Variants in MYO1C observed in about 807,000 individuals in gnomAD.
The protein encoded by MYO1C is unconventional myosin-Ic.
Under a neutral mutation model 150.8 loss-of-function variants are expected in MYO1C, and 104 were observed. The observed-to-expected ratio is 0.69, with a 90% CI of 0.59 to 0.81. The LOEUF is 0.81. MYO1C is among the 30% of genes least tolerant of loss of function. MYO1C has a pLI of 0.00. For synonymous variants in MYO1C, 663 were observed against 579.9 expected, an observed-to-expected ratio of 1.14 and a Z score of -2.06; for missense variants, 1,504 against 1,435.0, an observed-to-expected ratio of 1.05 and a Z score of -0.78.
At position 1,468,843 on chromosome 17, in the gene MYO1C, G is replaced by A. The variant is rs372529081; in HGVS notation, c.2611-347C>T. On this transcript the variant is annotated intron_variant, in intron 25 of 31. Transcript: ENST00000648651. ...CACTAATACTCAAGGTTACTGGGTG[G>A]GCCCTTTAGCATCATCCAATACTGA... The A allele has an allele frequency of 7.1e-4, 298 of 418,926 alleles. 1 individual carries two copies. The highest frequency in any genetic ancestry group is 5.4e-3 in the African/African-American group (267 of 49,558). 26.0% of individuals were successfully genotyped at this position (418,926 alleles called of 1,614,324 possible).
At position 1,480,639 on chromosome 17, in the gene MYO1C, A is replaced by C; in HGVS notation, c.808-14T>G. On this transcript the variant is annotated splice_polypyrimidine_tract_variant and intron_variant, in intron 6 of 31. Coordinates refer to ENST00000648651, the MANE Select transcript of MYO1C (RefSeq NM_001080779.2). ...GGCACACTGGCCCTGGAGGAAGGGCACAGCTGGGTTGCCAGCCCTGGCACC... is the reference window on the plus strand; with the variant it reads ...GGCACACTGGCCCTGGAGGAAGGGCCCAGCTGGGTTGCCAGCCCTGGCACC... 6.2e-7 allele frequency: 1 copy of C among 1,613,960 alleles called. No homozygotes were observed. The highest frequency in any genetic ancestry group is 8.5e-7 in the Non-Finnish European group (1 of 1,179,886).
At chr17:1,467,765 T>A in intron 29 of MYO1C, 75 bp downstream of exon 29, 1 of 318,156 alleles carries the variant, frequency 3.1e-6, no homozygotes, top group South Asian at 2.2e-5. Context: ...CCACACCCCC[T>A]ATTCCCCCAT....
At position 1,477,605 on chromosome 17, in the gene MYO1C, T is replaced by C. The variant is rs771077577; in HGVS notation, c.1483-9A>G. On this transcript the variant is annotated splice_polypyrimidine_tract_variant and intron_variant, in intron 13 of 31. Coordinates refer to ENST00000648651, the MANE Select transcript of MYO1C (RefSeq NM_001080779.2). ...CGCAGACACTCCTCATCCTGGGGGG[T>C]GTGGCACAGGGGGAAGGACGTATGG... The C allele has an allele frequency of 1.9e-6, 3 of 1,609,686 alleles. No individual in the cohort carries two copies. The South Asian group carries it at 3.3e-5, about 18-fold the overall frequency.
rs765878622 is a variant in MYO1C, at chr17:1,480,876, C to T, written c.637G>A (p.Val213Met). ...AGGTAACTGAGGATGTGGCCACCCACGGGGGCACCCTGTGGGCAGGGCAGG... is the reference window on the plus strand; with the variant it reads ...AGGTAACTGAGGATGTGGCCACCCATGGGGGCACCCTGTGGGCAGGGCAGG... The part of the protein sequence containing the change: ...DVQFDFKGAP[V>M]GGHILSYLLE... The change falls in exon 6 of 32, where the codon GTG becomes ATG. Residue 213 changes from valine (V) to methionine (M), a missense_variant. By Grantham distance (21) the Val-to-Met change is conservative. Transcript: ENST00000648651. 17 of 1,613,968 alleles carry T rather than the reference C, an allele frequency of 1.1e-5. No homozygotes were observed. The highest frequency in any genetic ancestry group is 1.6e-4 in the Middle Eastern group (1 of 6,062).
At chr17:1,477,181 T>C (rs1247788321) in intron 14 of MYO1C, 22 of 145,046 alleles carry the variant, frequency 1.5e-4, no homozygotes, top group Admixed American at 4.9e-4. Context: ...TTTTTTTCCC[T>C]TTTTTTTTTT....
At chr17:1,481,642 A>C (rs1270049391) in intron 5 of MYO1C, among the ~76,000 whole-genome samples, 2 of 151,866 alleles carry the variant, frequency 1.3e-5, no homozygotes, top group African/African-American at 2.4e-5. Context: ...CTGGGACAAC[A>C]GGCACACACC....
Position 1,479,411 on chromosome 17 carries a change from G to C in MYO1C, c.1092+20C>G, listed in dbSNP as rs2074466543. 1 of 1,195,460 alleles carries C rather than the reference G, an allele frequency of 8.4e-7. No homozygotes were observed. Among genetic ancestry groups the C allele is most frequent in the Non-Finnish European group, 1.2e-6 (1 of 829,900 alleles). 74.1% of individuals were successfully genotyped at this position (1,195,460 alleles called of 1,614,324 possible). On this transcript the variant is annotated intron_variant, in intron 9 of 31. Coordinates refer to ENST00000648651, the MANE Select transcript of MYO1C (RefSeq NM_001080779.2). This position sits in a 1 kb window ranked among gnomAD's most constrained non-coding sequence, Gnocchi z 4.2. Reference sequence around the variant, plus strand: ...GGAACAGCTGCCCCTCCACACCCGAGGGCAAGGGCCCGGCCTCACCTCCTC... The same window carrying C: ...GGAACAGCTGCCCCTCCACACCCGACGGCAAGGGCCCGGCCTCACCTCCTC...
At chr17:1,468,538 G>A in intron 25 of MYO1C, 42 bp from the exon 26 acceptor site, 1 of 1,508,246 alleles carries the variant, frequency 6.6e-7, no homozygotes, top group Non-Finnish European at 9.2e-7. Context: ...ATGGTGGGGA[G>A]CACCATCTTG....
In MYO1C at chr17:1,469,515, GC is replaced by G. The variant is rs2074254818; in HGVS notation, c.2610+15del. 8.8e-6 allele frequency: 14 copies of G among 1,597,050 alleles called. No homozygotes were observed. The South Asian group carries it at 1.6e-4, about 18-fold the overall frequency. ...GACTCCACTTCCTCATCCTCACCCA[GC>G]CCCGCTCTCCGTACCTGCTGCTTCC... On this transcript the variant is annotated intron_variant, in intron 25 of 31. Transcript: ENST00000648651.
chr17:1,471,842 A>C, intron 19 of MYO1C, 65 bp downstream of exon 19: 2 of 1,531,606 alleles, frequency 1.3e-6, no homozygotes, highest in Non-Finnish European at 1.8e-6. Context: ...GTCTGCCCTC[A>C]TGGGACCTAG....
chr17:1,471,005 A>G (rs2074291316), intron 21 of MYO1C, 66 bp downstream of exon 21: 2 of 1,540,460 alleles, frequency 1.3e-6, no homozygotes, highest in South Asian at 2.2e-5. Context: ...AAGGAGCCCA[A>G]GGGAGTGACT....
intron 1 of MYO1C, chr17:1,484,577 T>C: frequency 3.5e-6 from 2 of 573,700 alleles, no homozygotes; most frequent in Non-Finnish European, 3.1e-6. Flanking sequence ...CATGAACCAC[T>C]TGGGACTCGG....
chr17:1,480,636 G>A lies in MYO1C; in HGVS notation c.808-11C>T. The A allele has an allele frequency of 6.2e-7, 1 of 1,614,024 alleles. No homozygotes were observed. The highest frequency in any genetic ancestry group is 8.5e-7 in the Non-Finnish European group (1 of 1,179,956). On this transcript the variant is annotated splice_polypyrimidine_tract_variant and intron_variant, in intron 6 of 31. Transcript: ENST00000648651. ...TTTGGCACACTGGCCCTGGAGGAAGGGCACAGCTGGGTTGCCAGCCCTGGC... is the reference window on the plus strand; with the variant it reads ...TTTGGCACACTGGCCCTGGAGGAAGAGCACAGCTGGGTTGCCAGCCCTGGC...
chr17:1,492,333 C>A, intron 1 of MYO1C, 80 bp downstream of exon 1: 1 of 1,431,618 alleles, frequency 7.0e-7, no homozygotes, highest in East Asian at 2.5e-5. Flanking sequence ...AGCTCTTGCC[C>A]GAGGGCTCGC....
At position 1,484,180 on chromosome 17, in the gene MYO1C, G is replaced by A. The variant is rs1478953827; in HGVS notation, c.199C>T (p.Leu67=). ...FTSEAAFIEN[L]RRRFRENLIY... ...AGATTCTCCCGAAATCGCCGCCGCA[G>A]GTTCTCGATGAAGGCGGCCTCGCTG... The change falls in exon 2 of 32, where the codon CTG becomes TTG. Residue 67 remains leucine (L), a synonymous_variant. Coordinates refer to ENST00000648651, the MANE Select transcript of MYO1C (RefSeq NM_001080779.2). The A allele has an allele frequency of 4.3e-6, 7 of 1,612,982 alleles. No individual in the cohort carries two copies. In the East Asian group the frequency reaches 8.9e-5, roughly 21 times the overall value.
At chr17:1,485,516 G>C in intron 1 of MYO1C, 1 of 585,260 alleles carries the variant, frequency 1.7e-6, no homozygotes, top group Non-Finnish European at 2.3e-6. Flanking sequence ...CCGGCCCCGG[G>C]TCCGAGCGTC....
chr17:1,492,267 C>T (rs547845771), intron 1 of MYO1C, 146 bp downstream of exon 1: 4 of 773,690 alleles, frequency 5.2e-6, no homozygotes, highest in Non-Finnish European at 4.4e-6. Flanking sequence ...CCACTCACCC[C>T]GTCTTGTTCA....
intron 1 of MYO1C, chr17:1,491,602 G>C: frequency 1.0e-6 from 1 of 981,716 alleles, no homozygotes; most frequent in Non-Finnish European, 1.2e-6. Context: ...GTACCCACCG[G>C]CGTGGCTCTT....
chr17:1,488,320 G>T (rs1398081842), intron 1 of MYO1C, among the ~76,000 whole-genome samples: 1 of 152,194 alleles, frequency 6.6e-6, no homozygotes, highest in African/African-American at 2.4e-5. Flanking sequence ...TCCGCCGCTC[G>T]CGGGCCCCAG....
Sources: allele counts gnomAD v4.1 joint callset (sites outside exome capture counted in the v4.1 genomes callset), GRCh38; gene constraint gnomAD v4.1.1; non-coding constraint Gnocchi (gnomAD v3.1); transcripts MANE v1.5; gene names NCBI Gene and HGNC (gene_info 2026-07-23, HGNC 2026-07-21).